ANK3: variants seen among roughly 807,000 people sequenced by gnomAD.
ANK3 encodes the protein ankyrin-3.
A neutral mutation model predicts 370.9 loss-of-function variants in ANK3; 57 were observed. That is an observed-to-expected ratio of 0.15 (90% CI 0.12 to 0.19). ANK3 has a LOEUF of 0.19. ANK3 is among the 10% of genes least tolerant of loss of function. The pLI, the probability that ANK3 is intolerant of heterozygous loss-of-function variation, is 1.00. For synonymous variants in ANK3, 1,929 were observed against 1,946.3 expected (o/e 0.99, Z 0.23); for missense variants, 4,439 against 5,302.1 (o/e 0.84, Z 5.06).
At chr10:60,458,948 T>A (rs2064816812) in intron 2 of ANK3, among the ~76,000 whole-genome samples, 1 of 152,150 alleles carries the variant, frequency 6.6e-6, no homozygotes, top group Non-Finnish European at 1.5e-5. Context: ...TTGGCCTTAA[T>A]GCTCCTAACA....
At chr10:60,436,191 A>G (rs1026236165) in intron 2 of ANK3, among the ~76,000 whole-genome samples, 2 of 152,140 alleles carry the variant, frequency 1.3e-5, no homozygotes, top group African/African-American at 4.8e-5. Context: ...CCTTGTATGG[A>G]TATATTATGT....
intron 43 of ANK3, among the ~76,000 whole-genome samples, 160 bp downstream of exon 43, chr10:60,042,512 T>C (rs757772495): frequency 2.0e-5 from 3 of 152,232 alleles, no homozygotes; most frequent in Non-Finnish European, 4.4e-5. Flanking sequence ...TGTGTATATA[T>C]GCAAACATCA....
chr10:60,172,366 C>G lies in ANK3; in HGVS notation c.2420G>C (p.Gly807Ala). 6.2e-7 allele frequency: 1 copy of G among 1,613,996 alleles called. No homozygotes were observed. Among genetic ancestry groups the G allele is most frequent in the Non-Finnish European group, 8.5e-7 (1 of 1,179,918 alleles). The stretch of plus-strand genomic sequence containing the variant: ...CAGGGTGTCCACTACTGAGATGTAG[C>G]CGAGGCGCCGGGCAATGCCAAGGGC... ...NTALGIARRLGYISVVDTLKI... is the reference protein window; with the variant it reads ...NTALGIARRLAYISVVDTLKI... The change falls in exon 21 of 44, where the codon GGC (glycine) becomes GCC (alanine). Residue 807 changes from glycine (G) to alanine (A), a missense_variant. Gly to Ala is a moderately conservative substitution (Grantham distance 60). Coordinates refer to ENST00000280772, the MANE Select transcript of ANK3 (RefSeq NM_020987.5).
chr10:60,300,533 CAA>C, intron 1 of ANK3: 6 of 1,216,644 alleles, frequency 4.9e-6, no homozygotes, highest in Non-Finnish European at 6.3e-6. Flanking sequence ...GCGGGGCAGA[CAA>C]GAGTACAGAA....
chr10:60,477,154 G>A (rs894682289), intron 2 of ANK3, among the ~76,000 whole-genome samples: 21 of 151,990 alleles, frequency 1.4e-4, no homozygotes, highest in African/African-American at 4.8e-4. Flanking sequence ...GAGAGTGAAA[G>A]GGGCTTTGAT....
At chr10:60,428,754 A>G (rs78779433) in intron 2 of ANK3, among the ~76,000 whole-genome samples, 11 of 152,320 alleles carry the variant, frequency 7.2e-5, no homozygotes, top group Non-Finnish European at 1.5e-4. Context: ...CAAGGTTTCC[A>G]TGGACATAGA....
chr10:60,388,236 G>T (rs2062688328), intron 1 of ANK3, among the ~76,000 whole-genome samples: 2 of 152,108 alleles, frequency 1.3e-5, no homozygotes. Context: ...TTAACATCTT[G>T]CAGTGAAACA....
At chr10:60,052,895 A>ATGTT (rs2078369991) in intron 42 of ANK3, among the ~76,000 whole-genome samples, 2 of 152,194 alleles carry the variant, frequency 1.3e-5, no homozygotes, top group South Asian at 4.1e-4. Flanking sequence ...GCTTTATGAA[A>ATGTT]TGTTAGTTGT....
chr10:60,114,094 C>G, intron 26 of ANK3, 131 bp downstream of exon 26: 1 of 416,822 alleles, frequency 2.4e-6, no homozygotes, highest in Non-Finnish European at 4.3e-6. Flanking sequence ...CTCACATATA[C>G]TAATGAATAT....
At chr10:60,194,980 T>C (rs1379485407) in intron 16 of ANK3, among the ~76,000 whole-genome samples, 2 of 152,184 alleles carry the variant, frequency 1.3e-5, no homozygotes, top group East Asian at 3.9e-4. Context: ...GTATCTAAAG[T>C]AATCTAGAAC....
chr10:60,300,900 C>T (rs957168477), intron 1 of ANK3, among the ~76,000 whole-genome samples: 16 of 151,878 alleles, frequency 1.1e-4, no homozygotes, highest in Non-Finnish European at 1.2e-4. Context: ...TATATGTCTG[C>T]GTAGACATGT....
At position 60,621,525 on chromosome 10, in the gene ANK3, C is replaced by G. The variant is rs572698471; in HGVS notation, c.58-6301G>C. 3.1e-4 allele frequency among the ~76,000 whole-genome samples: 47 copies of G among 152,250 alleles called. No homozygotes were observed. In the South Asian group the frequency reaches 9.1e-3, roughly 30 times the overall value. ...AATTTGTCACTATCACATCAACATT[C>G]CAGACTCTCCTGGGGTCGTGTAATT... On this transcript the variant is annotated intron_variant, in intron 1 of 43. Coordinates refer to the ANK3 transcript ENST00000373827.
At chr10:60,506,798 C>T (rs1333569462) in intron 2 of ANK3, among the ~76,000 whole-genome samples, 2 of 152,070 alleles carry the variant, frequency 1.3e-5, no homozygotes, top group African/African-American at 4.8e-5. Context: ...GTCTGAAGTT[C>T]GTGCCCAGTT....
chr10:60,193,487 C>T (rs776994192), intron 16 of ANK3, among the ~76,000 whole-genome samples: 1 of 142,244 alleles, frequency 7.0e-6, no homozygotes, highest in Non-Finnish European at 1.5e-5. Context: ...GAAACCCCAT[C>T]TCTACTAAAA....
intron 23 of ANK3, among the ~76,000 whole-genome samples, chr10:60,141,571 T>TG (rs1554993389): frequency 0.011 from 1,290 of 121,006 alleles, 20 homozygotes; most frequent in South Asian, 0.041. Flanking sequence ...GTTTTTTTTT[T>TG]TTTTTTTTTT....
Position 60,323,832 on chromosome 10 carries a change from G to C in ANK3, c.115-44193C>G, listed in dbSNP as rs184939613. On this transcript the variant is annotated intron_variant, in intron 1 of 43. Coordinates refer to ENST00000280772, the MANE Select transcript of ANK3 (RefSeq NM_020987.5). ...GAAGTGAAGAACATGTTTCAAAGAG[G>C]GGGAGGTGGTCAAATGTGCCAGATG... Among the ~76,000 whole-genome samples, 93 of 152,282 alleles carry C rather than the reference G, an allele frequency of 6.1e-4. 1 individual carries two copies. Among genetic ancestry groups the C allele is most frequent in the Admixed American group, 1.2e-3 (18 of 15,294 alleles).
chr10:60,723,385 A>G (rs2079892738), intron 1 of ANK3, among the ~76,000 whole-genome samples: 1 of 152,258 alleles, frequency 6.6e-6, no homozygotes, highest in Non-Finnish European at 1.5e-5. Flanking sequence ...ATTGATATTT[A>G]TAAGAGGCAC....
chr10:60,616,580 A>AT (rs2078270817), intron 1 of ANK3, among the ~76,000 whole-genome samples: 2 of 152,176 alleles, frequency 1.3e-5, no homozygotes, highest in Admixed American at 1.3e-4. Flanking sequence ...ACATGGCAAG[A>AT]TTTTTTCAAA....
chr10:60,623,276 G>A lies in ANK3; in HGVS notation c.58-8052C>T, dbSNP rs573908778. On this transcript the variant is annotated intron_variant, in intron 1 of 43. Coordinates refer to the ANK3 transcript ENST00000373827. The stretch of plus-strand genomic sequence containing the variant: ...GGTACAAAAATAACTGTAATGCAAA[G>A]CCAACCGTAGCAAGTGCCACAGAGA... 9.9e-5 allele frequency among the ~76,000 whole-genome samples: 15 copies of A among 152,238 alleles called. No individual in the cohort carries two copies. The East Asian group carries it at 2.7e-3, about 27-fold the overall frequency.
Sources: allele counts gnomAD v4.1 joint callset (sites outside exome capture counted in the v4.1 genomes callset), GRCh38; gene constraint gnomAD v4.1.1; transcripts MANE v1.5; gene names NCBI Gene and HGNC (gene_info 2026-07-23, HGNC 2026-07-21).